GRM7: variants seen among roughly 807,000 people sequenced by gnomAD.
GRM7 encodes the protein glutamate metabotropic receptor 7.
In GRM7, 35 loss-of-function variants were observed where a neutral mutation model predicts 84.5. The observed-to-expected ratio is 0.41, with a 90% CI of 0.32 to 0.55. The LOEUF (loss-of-function observed/expected upper bound fraction) is 0.55. GRM7 is among the 20% of genes least tolerant of loss of function. The pLI, the probability that GRM7 is intolerant of heterozygous loss-of-function variation, is 0.19. For missense variants in GRM7, 1,003 were observed against 1,194.6 expected (o/e 0.84, Z 2.36); for synonymous variants, 487 against 455.1 (o/e 1.07, Z -0.89).
intron 1 of GRM7, among the ~76,000 whole-genome samples, chr3:6,947,918 T>G (rs144420141): frequency 0.092 from 14,075 of 152,248 alleles, 685 homozygotes; most frequent in Middle Eastern, 0.13. Flanking sequence ...TATCATTTTT[T>G]ATTGCATCGA....
chr3:7,386,001 A>G (rs1694772672), intron 4 of GRM7, among the ~76,000 whole-genome samples: 1 of 152,224 alleles, frequency 6.6e-6, no homozygotes, highest in South Asian at 2.1e-4. Context: ...TTGCATTTAC[A>G]CTAAGTCAAC....
At chr3:7,090,954 GAAAT>G (rs1388097257) in intron 1 of GRM7, among the ~76,000 whole-genome samples, 3 of 152,052 alleles carry the variant, frequency 2.0e-5, no homozygotes, top group Non-Finnish European at 4.4e-5. Flanking sequence ...TAAAAAGAAA[GAAAT>G]AGAATAGAGA....
At chr3:7,382,036 A>G (rs1694611065) in intron 4 of GRM7, among the ~76,000 whole-genome samples, 1 of 152,140 alleles carries the variant, frequency 6.6e-6, no homozygotes, top group Non-Finnish European at 1.5e-5. Context: ...TCACTATCAA[A>G]TGCTGTACCA....
chr3:7,260,231 T>C (rs1417185189), intron 2 of GRM7, among the ~76,000 whole-genome samples: 1 of 152,192 alleles, frequency 6.6e-6, no homozygotes, highest in Non-Finnish European at 1.5e-5. Flanking sequence ...TCTCCCATTC[T>C]GTAGGTCTGT....
At chr3:7,724,917 C>T (rs1702069413) in intron 9 of GRM7, among the ~76,000 whole-genome samples, 1 of 150,464 alleles carries the variant, frequency 6.6e-6, no homozygotes, top group Admixed American at 6.7e-5. Flanking sequence ...GCGCTTGACA[C>T]CAGGCCCAGC....
chr3:7,660,818 ACAAATGT>A (rs1271790616), intron 8 of GRM7, among the ~76,000 whole-genome samples: 2 of 152,110 alleles, frequency 1.3e-5, no homozygotes, highest in Admixed American at 6.5e-5. Flanking sequence ...AACTAAACCC[ACAAATGT>A]GTGAACAACT....
intron 5 of GRM7, among the ~76,000 whole-genome samples, chr3:7,433,204 ATTC>A (rs1696901101): frequency 1.3e-5 from 2 of 152,196 alleles, no homozygotes; most frequent in African/African-American, 4.8e-5. Flanking sequence ...TGGTTCAAAC[ATTC>A]TTATCTTGAG....
At chr3:7,663,479 C>T (rs527716155) in intron 8 of GRM7, among the ~76,000 whole-genome samples, 2 of 152,242 alleles carry the variant, frequency 1.3e-5, no homozygotes, top group African/African-American at 4.8e-5. Flanking sequence ...ATCCCTCGGT[C>T]CTCAAGGTGG....
intron 2 of GRM7, among the ~76,000 whole-genome samples, chr3:7,204,628 G>A (rs188633228): frequency 6.6e-6 from 1 of 152,164 alleles, no homozygotes; most frequent in Non-Finnish European, 1.5e-5. Flanking sequence ...TGCTAGGTGG[G>A]CAAATAACCA....
intron 7 of GRM7, among the ~76,000 whole-genome samples, chr3:7,542,245 T>C (rs1692918659): frequency 6.6e-6 from 1 of 152,208 alleles, no homozygotes; most frequent in Admixed American, 6.5e-5. Flanking sequence ...CAAATACCTC[T>C]CAAGACCTTC....
At chr3:7,507,642 G>A (rs1575429611) in intron 7 of GRM7, among the ~76,000 whole-genome samples, 2 of 152,302 alleles carry the variant, frequency 1.3e-5, no homozygotes, top group East Asian at 3.9e-4. Flanking sequence ...TGATATTCAA[G>A]ACACAGTGAA....
chr3:7,168,503 C>G (rs1694879092), intron 2 of GRM7, among the ~76,000 whole-genome samples: 1 of 152,156 alleles, frequency 6.6e-6, no homozygotes, highest in African/African-American at 2.4e-5. Flanking sequence ...GAAGGTGTGA[C>G]CTGCAAACCG....
chr3:7,241,438 CT>C (rs1282098895), intron 2 of GRM7, among the ~76,000 whole-genome samples: 1 of 151,966 alleles, frequency 6.6e-6, no homozygotes, highest in Non-Finnish European at 1.5e-5. Flanking sequence ...TTAGAACTTA[CT>C]TTTTTAAAGT....
At chr3:6,894,810 T>C (rs1451164677) in intron 1 of GRM7, among the ~76,000 whole-genome samples, 1 of 152,148 alleles carries the variant, frequency 6.6e-6, no homozygotes, top group East Asian at 1.9e-4. Context: ...TGGAACACTA[T>C]AATTAAACAT....
At chr3:7,080,397 C>T (rs1449990753) in intron 1 of GRM7, among the ~76,000 whole-genome samples, 1 of 151,998 alleles carries the variant, frequency 6.6e-6, no homozygotes, top group Non-Finnish European at 1.5e-5. Flanking sequence ...AAATTATTGA[C>T]CGGCTTTCCT....
At chr3:7,042,629 A>AT (rs562238853) in intron 1 of GRM7, among the ~76,000 whole-genome samples, 88 of 151,614 alleles carry the variant, frequency 5.8e-4, no homozygotes, top group Middle Eastern at 3.4e-3. Flanking sequence ...TATCTGGAGT[A>AT]TTTTTTTCTT....
chr3:7,501,149 A>C (rs1225479031), intron 7 of GRM7, among the ~76,000 whole-genome samples: 1 of 152,228 alleles, frequency 6.6e-6, no homozygotes, highest in East Asian at 1.9e-4. Flanking sequence ...CTGTCTAAGC[A>C]TGTTCCATGC....
At chr3:7,038,445 G>C (rs1245386476) in intron 1 of GRM7, among the ~76,000 whole-genome samples, 2 of 152,166 alleles carry the variant, frequency 1.3e-5, no homozygotes, top group Non-Finnish European at 2.9e-5. Context: ...TTTATCAACA[G>C]ATGAGAGACA....
At chr3:7,634,881 C>T (rs1698018490) in intron 8 of GRM7, among the ~76,000 whole-genome samples, 1 of 152,054 alleles carries the variant, frequency 6.6e-6, no homozygotes, top group African/African-American at 2.4e-5. Context: ...GAATATTTTA[C>T]CCACAAAAGC....
Sources: allele counts gnomAD v4.1 joint callset (sites outside exome capture counted in the v4.1 genomes callset), GRCh38; gene constraint gnomAD v4.1.1; transcripts MANE v1.5; gene names NCBI Gene and HGNC (gene_info 2026-07-23, HGNC 2026-07-21).